The following SGK1 variants were observed in gnomAD, a reference collection of about 807,000 sequenced individuals.
SGK1 encodes the protein serum/glucocorticoid regulated kinase 1, also known as serine/threonine-protein kinase Sgk1.
A neutral mutation model predicts 64.2 loss-of-function variants in SGK1; 26 were observed. The observed-to-expected ratio is 0.40, with a 90% confidence interval of 0.30 to 0.56. The LOEUF is 0.56. Ranked by LOEUF, SGK1 falls within the 20% of genes least tolerant of loss-of-function variation. SGK1 has a pLI of 0.38. For synonymous variants in SGK1, 265 were observed against 239.7 expected, an observed-to-expected ratio of 1.11 and a Z score of -0.98; for missense variants, 519 against 645.6, an observed-to-expected ratio of 0.80 and a Z score of 2.12.
At chr6:134,297,138 C>T (rs577190055) in intron 1 of SGK1, 12 of 571,902 alleles carry the variant, frequency 2.1e-5, no homozygotes, top group South Asian at 1.7e-4. Flanking sequence ...ACTTGTGAGG[C>T]CCCCATAGGC....
chr6:134,175,674 G>A, intron 3 of SGK1: 1 of 1,484,134 alleles, frequency 6.7e-7, no homozygotes, highest in Non-Finnish European at 9.0e-7. Context: ...GCAGCGGGCG[G>A]CGGGGCGCGC....
chr6:134,212,123 G>A (rs1743951), intron 2 of SGK1, among the ~76,000 whole-genome samples: 92,594 of 151,034 alleles, frequency 0.61, 30,993 homozygotes, highest in South Asian at 0.84. Context: ...GTGCGATCTC[G>A]GCTCACTGCG....
At chr6:134,236,776 T>C (rs755002703) in intron 2 of SGK1, among the ~76,000 whole-genome samples, 35 of 152,336 alleles carry the variant, frequency 2.3e-4, no homozygotes, top group Middle Eastern at 3.4e-3. Context: ...AGCCTTTTTC[T>C]TTAGACAGAC....
At chr6:134,211,699 G>C (rs1775892029) in intron 2 of SGK1, among the ~76,000 whole-genome samples, 1 of 151,778 alleles carries the variant, frequency 6.6e-6, no homozygotes, top group African/African-American at 2.4e-5. Context: ...ATAAAAGAAA[G>C]AAGAAGAACA....
chr6:134,245,346 G>C (rs1776510644), intron 2 of SGK1, among the ~76,000 whole-genome samples: 1 of 152,236 alleles, frequency 6.6e-6, no homozygotes, highest in Admixed American at 6.5e-5. Context: ...GAGGGCTGCA[G>C]TTCAATGGGA....
chr6:134,274,954 A>G (rs1776998640), intron 1 of SGK1, among the ~76,000 whole-genome samples: 1 of 151,976 alleles, frequency 6.6e-6, no homozygotes, highest in Admixed American at 6.6e-5. Flanking sequence ...ACAGGCCTGC[A>G]CCACCATGCC....
chr6:134,317,587 G>A lies in SGK1; in HGVS notation c.-127C>T, dbSNP rs572451680. 3 of 726,420 alleles carry A rather than the reference G, an allele frequency of 4.1e-6. No homozygotes were observed. Among genetic ancestry groups the A allele is most frequent in the Non-Finnish European group, 7.6e-6 (3 of 394,010 alleles). 45.0% of individuals were successfully genotyped at this position (726,420 alleles called of 1,614,324 possible). Reference sequence around the variant, plus strand: ...ACTGAGCGGGATGGAGAATCTAGCGGGGCTCAGTTCTTCACTCGCGCATTC... The same window carrying A: ...ACTGAGCGGGATGGAGAATCTAGCGAGGCTCAGTTCTTCACTCGCGCATTC... On this transcript the variant is annotated 5_prime_UTR_variant, in exon 1 of 14. Transcript: ENST00000367858.
At chr6:134,181,377 C>G (rs748214666) in intron 3 of SGK1, among the ~76,000 whole-genome samples, 2 of 152,130 alleles carry the variant, frequency 1.3e-5, no homozygotes, top group Admixed American at 1.3e-4. Flanking sequence ...AGGAGTCTTA[C>G]TCTGTCGCCC....
intron 2 of SGK1, among the ~76,000 whole-genome samples, chr6:134,226,235 A>C (rs1582725980): frequency 6.6e-6 from 1 of 152,218 alleles, no homozygotes; most frequent in African/African-American, 2.4e-5. Flanking sequence ...CTATACCCCA[A>C]CCAAAACATC....
chr6:134,252,036 C>T (rs905016037), intron 2 of SGK1, among the ~76,000 whole-genome samples: 1 of 152,170 alleles, frequency 6.6e-6, no homozygotes. Flanking sequence ...CGATAACAGG[C>T]GTGAGCCACC....
chr6:134,224,827 C>A (rs546611924), intron 2 of SGK1, among the ~76,000 whole-genome samples: 82 of 150,228 alleles, frequency 5.5e-4, no homozygotes, highest in African/African-American at 2.0e-3. Context: ...TCGAGACTAT[C>A]CTGGCTAACA....
At chr6:134,312,753 T>G (rs1777624780) in intron 1 of SGK1, among the ~76,000 whole-genome samples, 1 of 151,578 alleles carries the variant, frequency 6.6e-6, no homozygotes. Context: ...AGTACCTATC[T>G]CAGGTATTTT....
At chr6:134,192,625 A>C (rs1582701053) in intron 3 of SGK1, among the ~76,000 whole-genome samples, 2 of 130,682 alleles carry the variant, frequency 1.5e-5, no homozygotes, top group Admixed American at 1.7e-4. Flanking sequence ...TTTTGAGTGC[A>C]GTGGCACGAT....
At chr6:134,285,049 AC>A (rs1045629333) in intron 1 of SGK1, among the ~76,000 whole-genome samples, 1 of 152,052 alleles carries the variant, frequency 6.6e-6, no homozygotes, top group Non-Finnish European at 1.5e-5. Context: ...TTGGGTAGAG[AC>A]CCAGTAGTGG....
At position 134,177,382 on chromosome 6, in the gene SGK1, G is replaced by A. The variant is rs55892662; in HGVS notation, c.362-2796C>T. On this transcript the variant is annotated intron_variant, in intron 3 of 13. Coordinates refer to ENST00000367858, the MANE Select transcript of SGK1 (RefSeq NM_001143676.3). Reference sequence around the variant, plus strand: ...CTTCATAGAATGTGACTTTGTTATTGCCAGTGCCACCCGTATGTCATGTCC... The same window carrying A: ...CTTCATAGAATGTGACTTTGTTATTACCAGTGCCACCCGTATGTCATGTCC... Among the ~76,000 whole-genome samples the A allele has an allele frequency of 0.095, 14,392 of 152,136 alleles. 755 individuals are homozygous for A. The highest frequency in any genetic ancestry group is 0.15 in the Middle Eastern group (43 of 294).
chr6:134,309,677 T>C (rs923675988), intron 1 of SGK1, among the ~76,000 whole-genome samples: 4 of 152,192 alleles, frequency 2.6e-5, no homozygotes, highest in Non-Finnish European at 5.9e-5. Flanking sequence ...AGCTGAACTT[T>C]CTTGAGCCCC....
chr6:134,235,541 T>TTTTATTTATTTA (rs368701386), intron 2 of SGK1, among the ~76,000 whole-genome samples: 75 of 92,126 alleles, frequency 8.1e-4, no homozygotes, highest in African/African-American at 2.9e-3. Flanking sequence ...AAATAGATAT[T>TTTTATTTATTTA]TTTATTTATT....
intron 8 of SGK1, 89 bp downstream of exon 8, chr6:134,172,934 C>G: frequency 6.9e-7 from 1 of 1,457,892 alleles, no homozygotes; most frequent in Non-Finnish European, 9.4e-7. Flanking sequence ...ATTCTCCCCA[C>G]CAAAAATCTT....
At chr6:134,173,627 C>T (rs2114636955) in intron 5 of SGK1, 61 bp from the exon 6 acceptor site, 2 of 1,147,838 alleles carry the variant, frequency 1.7e-6, no homozygotes, top group Non-Finnish European at 2.5e-6. Context: ...ACATCTATAA[C>T]ATAAACGATG....
Sources: gnomAD v4.1 joint callset for allele counts (sites outside exome capture counted in the v4.1 genomes callset) on GRCh38, gnomAD v4.1.1 for gene constraint, MANE v1.5 for transcripts, NCBI Gene and HGNC (gene_info 2026-07-23, HGNC 2026-07-21) for gene names.